Variants in FRMPD4 observed in about 807,000 individuals in gnomAD.
FRMPD4 encodes FERM and PDZ domain containing 4, also known as FERM and PDZ domain-containing protein 4.
Under a neutral mutation model 94.1 loss-of-function variants are expected in FRMPD4, and 22 were observed. The observed-to-expected ratio is 0.23, with a 90% CI of 0.17 to 0.33. The LOEUF (loss-of-function observed/expected upper bound fraction) is 0.33. Ranked by LOEUF, FRMPD4 falls within the 10% of genes least tolerant of loss-of-function variation. FRMPD4 has a pLI of 1.00. For synonymous variants in FRMPD4, 631 were observed against 548.6 expected (o/e 1.15, Z -2.10); for missense variants, 1,111 against 1,339.9 (o/e 0.83, Z 2.67).
intron 3 of FRMPD4, among the ~76,000 whole-genome samples, chrX:11,921,591 C>T (rs992759671): frequency 5.4e-5 from 6 of 111,873 alleles, no homozygotes; most frequent in African/African-American, 9.7e-5. Flanking sequence ...TGTATCTTAG[C>T]GGAAGCTTAA....
intron 3 of FRMPD4, among the ~76,000 whole-genome samples, chrX:11,976,440 C>T (rs762082746): frequency 1.8e-5 from 2 of 112,118 alleles, no homozygotes; most frequent in Non-Finnish European, 3.8e-5. Context: ...TCCTTTTCAA[C>T]AAAAGTCCCT....
intron 1 of FRMPD4, among the ~76,000 whole-genome samples, chrX:12,474,444 A>G (rs1286419311): frequency 1.8e-5 from 2 of 111,729 alleles, no homozygotes; most frequent in Admixed American, 9.5e-5. Context: ...AGCAGAAGGC[A>G]AGAAATAACT....
chrX:12,453,248 C>T (rs1251954754), intron 1 of FRMPD4, among the ~76,000 whole-genome samples: 3 of 110,952 alleles, frequency 2.7e-5, no homozygotes, highest in Admixed American at 9.6e-5. Context: ...CCAAAGAGTA[C>T]GATGTTCTGC....
intron 2 of FRMPD4, among the ~76,000 whole-genome samples, chrX:12,526,418 T>C (rs954032876): frequency 8.9e-6 from 1 of 112,826 alleles, no homozygotes; most frequent in Non-Finnish European, 1.9e-5. Context: ...TCTTAACACA[T>C]GCATAGATTT....
At chrX:11,934,362 A>G (rs1260679025) in intron 3 of FRMPD4, among the ~76,000 whole-genome samples, 11 of 111,750 alleles carry the variant, frequency 9.8e-5, no homozygotes, top group African/African-American at 3.6e-4. Flanking sequence ...TTGATTCGCA[A>G]TTTCCCCAAG....
Position 12,721,523 on chromosome X carries a change from C to A in FRMPD4, c.4954C>A (p.Gln1652Lys). ...YKQLLSIESRQLGSACRKMAM... is the reference protein window; with the variant it reads ...YKQLLSIESRKLGSACRKMAM... The stretch of plus-strand genomic sequence containing the variant: ...GCAACTGTTATCCATTGAGTCCAGA[C>A]AGTTGGGAAGTGCCTGTAGGAAAAT... Residue 1652 changes from glutamine (Q) to lysine (K), a missense_variant, in exon 17 of 17, where the codon CAG becomes AAG. Gln to Lys is a moderately conservative substitution (Grantham distance 53). Around this residue, in one of 8 missense-constraint regions of FRMPD4, gnomAD observed 551 missense variants for 591.6 expected, o/e 0.93. Transcript: ENST00000675598. The A allele has an allele frequency of 1.3e-6, 1 of 754,766 alleles. No homozygotes were observed. The allele number at this position is 754,766 out of a possible 1,213,427, so 62.2% of individuals were successfully genotyped here.
chrX:12,071,533 TCA>T (rs756425533), intron 3 of FRMPD4, among the ~76,000 whole-genome samples: 9 of 111,837 alleles, frequency 8.0e-5, no homozygotes, highest in Non-Finnish European at 1.5e-4. Context: ...TAATTCAGCC[TCA>T]GAGAGGACAA....
Position 12,721,312 on chromosome X carries a change from C to G in FRMPD4, c.4743C>G (p.Ser1581Arg). The change falls in exon 17 of 17, where the codon AGC (serine) becomes AGG (arginine). Residue 1581 changes from serine to arginine, a missense_variant. Physicochemically the swap from Ser to Arg is moderately radical, Grantham distance 110. Around this residue, in one of 8 missense-constraint regions of FRMPD4, gnomAD observed 551 missense variants for 591.6 expected, o/e 0.93. Transcript: ENST00000675598. ...GAGACCCAGATGACTTGGACTTCAG[C>G]AACCTGGCTTTTGATGCCCGGATTG... ...DLRDPDDLDF[S>R]NLAFDARIAR... is the part of the protein sequence containing the mutation. 1.3e-6 allele frequency: 1 copy of G among 755,435 alleles called. No homozygotes were observed. The highest frequency in any genetic ancestry group is 6.7e-5 in the South Asian group (1 of 14,888). The allele number at this position is 755,435 out of a possible 1,213,427, so 62.3% of individuals were successfully genotyped here.
chrX:12,408,030 C>G (rs2056687386), intron 1 of FRMPD4, among the ~76,000 whole-genome samples: 1 of 108,735 alleles, frequency 9.2e-6, no homozygotes, highest in African/African-American at 3.4e-5. Context: ...GCTAACATAT[C>G]CAGTTTCTTA....
At chrX:11,986,686 A>G (rs2054431280) in intron 3 of FRMPD4, among the ~76,000 whole-genome samples, 1 of 111,743 alleles carries the variant, frequency 8.9e-6, no homozygotes, top group Non-Finnish European at 1.9e-5. Flanking sequence ...CCAGACAAAG[A>G]AAAAGAGAGA....
chrX:12,009,535 C>T (rs1351365156), intron 3 of FRMPD4, among the ~76,000 whole-genome samples: 17 of 112,141 alleles, frequency 1.5e-4, no homozygotes, highest in African/African-American at 4.9e-4. Flanking sequence ...TTCATAACAG[C>T]TGAGTAAACA....
At chrX:12,576,414 G>A (rs1054495824) in intron 2 of FRMPD4, among the ~76,000 whole-genome samples, 4 of 112,770 alleles carry the variant, frequency 3.5e-5, no homozygotes, top group Non-Finnish European at 7.5e-5. Context: ...CCTGAGATAT[G>A]TCTGGGTCTG....
intron 1 of FRMPD4, among the ~76,000 whole-genome samples, chrX:12,430,900 T>G (rs767725287): frequency 1.8e-5 from 2 of 112,591 alleles, no homozygotes; most frequent in South Asian, 7.3e-4. Flanking sequence ...CTCGGAAGCA[T>G]CTGACTCTGG....
At chrX:12,382,500 GCAT>G (rs1410555829) in intron 1 of FRMPD4, among the ~76,000 whole-genome samples, 9 of 72,889 alleles carry the variant, frequency 1.2e-4, no homozygotes, top group Admixed American at 3.0e-4. Context: ...GCATAGCATA[GCAT>G]AGCATAGCAT....
intron 1 of FRMPD4, among the ~76,000 whole-genome samples, chrX:12,325,538 C>T (rs984250121): frequency 8.0e-5 from 9 of 112,336 alleles, no homozygotes; most frequent in African/African-American, 1.3e-4. Context: ...TGAACTCTGC[C>T]GTATAGCATG....
At chrX:12,687,680 T>C (rs996118319) in intron 7 of FRMPD4, among the ~76,000 whole-genome samples, 3 of 112,310 alleles carry the variant, frequency 2.7e-5, no homozygotes, top group African/African-American at 6.5e-5. Flanking sequence ...AGGCTCATAG[T>C]CAGGGCACAG....
intron 3 of FRMPD4, among the ~76,000 whole-genome samples, chrX:11,912,592 A>G (rs780103973): frequency 8.9e-6 from 1 of 111,857 alleles, no homozygotes; most frequent in Non-Finnish European, 1.9e-5. Flanking sequence ...CTGTGTGTAC[A>G]TGGTAACAAA....
At chrX:11,945,744 C>T (rs932054032) in intron 3 of FRMPD4, among the ~76,000 whole-genome samples, 1 of 111,451 alleles carries the variant, frequency 9.0e-6, no homozygotes, top group African/African-American at 3.3e-5. Context: ...AGGGAACTCA[C>T]TCATTACCAA....
chrX:12,104,123 G>A (rs761004323), intron 3 of FRMPD4, among the ~76,000 whole-genome samples: 1 of 112,025 alleles, frequency 8.9e-6, no homozygotes, highest in Non-Finnish European at 1.9e-5. Context: ...GCCCACTGCC[G>A]TCATAACTAA....
Sources: allele counts gnomAD v4.1 joint callset (sites outside exome capture counted in the v4.1 genomes callset), GRCh38; gene constraint gnomAD v4.1.1; regional missense constraint gnomAD v4.1.1; transcripts MANE v1.5; gene names NCBI Gene and HGNC (gene_info 2026-07-23, HGNC 2026-07-21).